The following YAP1 variants were observed in gnomAD, a reference collection of about 807,000 sequenced individuals.
The protein encoded by YAP1 is Yes1 associated transcriptional regulator.
In YAP1, 5 loss-of-function variants were observed where a neutral mutation model predicts 56.9. That is an observed-to-expected ratio of 0.09 (90% confidence interval 0.05 to 0.18). YAP1 has a LOEUF of 0.18. Ranked by LOEUF, YAP1 falls within the 10% of genes least tolerant of loss-of-function variation. YAP1 has a pLI of 1.00. For missense variants in YAP1, 539 were observed against 651.8 expected, an observed-to-expected ratio of 0.83 and a Z score of 1.88; for synonymous variants, 265 against 248.1, an observed-to-expected ratio of 1.07 and a Z score of -0.64.
intron 3 of YAP1, among the ~76,000 whole-genome samples, chr11:102,173,452 C>A (rs1947039896): frequency 6.6e-6 from 1 of 152,124 alleles, no homozygotes; most frequent in East Asian, 1.9e-4. Flanking sequence ...ATATTTAAAG[C>A]TACTTCCTTA....
At position 102,111,790 on chromosome 11, in the gene YAP1, C is replaced by T. The variant is rs182839412; in HGVS notation, c.321+621C>T. Among the ~76,000 whole-genome samples the T allele has an allele frequency of 9.2e-5, 14 of 152,120 alleles. No individual in the cohort carries two copies. In the East Asian group the frequency reaches 2.5e-3, roughly 27 times the overall value. On this transcript the variant is annotated intron_variant, in intron 1 of 8. Transcript: ENST00000282441. The stretch of plus-strand genomic sequence containing the variant: ...ATTAGAGGTGGGGGTAGAACCGGTC[C>T]ATTTAGTTTTTTGCTCTTTCTTTCC...
chr11:102,163,728 G>A (rs1946431987), intron 3 of YAP1, among the ~76,000 whole-genome samples: 1 of 152,196 alleles, frequency 6.6e-6, no homozygotes, highest in African/African-American at 2.4e-5. Context: ...TGGGTGGGAA[G>A]GGTGGTACCA....
intron 3 of YAP1, among the ~76,000 whole-genome samples, chr11:102,177,715 G>C (rs978171750): frequency 6.6e-6 from 1 of 151,578 alleles, no homozygotes; most frequent in African/African-American, 2.4e-5. Flanking sequence ...AAAGTTTTGA[G>C]GGACAAATGG....
In YAP1 at chr11:102,230,714, G is replaced by T. The variant is rs1950409229; in HGVS notation, c.*774G>T. On this transcript the variant is annotated 3_prime_UTR_variant, in exon 9 of 9. Transcript: ENST00000282441. ...GGTGGGGGGGTTGGTTGGTTGGTTG[G>T]TTTTGTCGGAACCTAGGCAAATGAC... 6.6e-6 allele frequency: 1 copy of T among 152,358 alleles called. No individual in the cohort carries two copies. The highest frequency in any genetic ancestry group is 2.4e-5 in the African/African-American group (1 of 41,340). 9.4% of individuals were successfully genotyped at this position (152,358 alleles called of 1,614,324 possible). A position where few individuals can be genotyped will look rare whatever the true frequency, so the allele number is the denominator to read the frequency against.
At chr11:102,216,482 A>C (rs1212515204) in intron 6 of YAP1, among the ~76,000 whole-genome samples, 1 of 152,236 alleles carries the variant, frequency 6.6e-6, no homozygotes, top group South Asian at 2.1e-4. Context: ...AAAAAATGCC[A>C]ATTATATTTC....
At chr11:102,213,238 A>G (rs987991543) in intron 6 of YAP1, among the ~76,000 whole-genome samples, 6 of 152,180 alleles carry the variant, frequency 3.9e-5, no homozygotes, top group Non-Finnish European at 4.4e-5. Flanking sequence ...TAATCCCAGC[A>G]CTTTGGGAGG....
At chr11:102,177,695 A>G (rs1947344180) in intron 3 of YAP1, among the ~76,000 whole-genome samples, 1 of 151,084 alleles carries the variant, frequency 6.6e-6, no homozygotes, top group Non-Finnish European at 1.5e-5. Context: ...AAAAAAAAAA[A>G]GTTTATGTGA....
rs544228627 is a variant in YAP1, at chr11:102,148,683, C to T, written c.573-13773C>T. On this transcript the variant is annotated intron_variant, in intron 2 of 8. Transcript: ENST00000282441. ...TTCTCTTACTGTTCTCTGGACAAGA[C>T]ATCAGTATCTGAAATGCCTTTCCTC... Among the ~76,000 whole-genome samples, 13 of 152,284 alleles carry T rather than the reference C, an allele frequency of 8.5e-5. No homozygotes were observed. In the East Asian group the frequency reaches 2.3e-3, roughly 27 times the overall value.
intron 6 of YAP1, among the ~76,000 whole-genome samples, chr11:102,217,964 G>A (rs1949741550): frequency 6.6e-6 from 1 of 152,152 alleles, no homozygotes; most frequent in East Asian, 1.9e-4. Flanking sequence ...CCCTCCCAAA[G>A]TGCTGGGATT....
chr11:102,180,085 C>T (rs1947498605), intron 3 of YAP1, among the ~76,000 whole-genome samples: 1 of 147,134 alleles, frequency 6.8e-6, no homozygotes, highest in African/African-American at 2.5e-5. Flanking sequence ...TCTTGGCTCA[C>T]TGCAACCTCC....
chr11:102,169,927 A>G (rs1456344850), intron 3 of YAP1, among the ~76,000 whole-genome samples: 2 of 152,248 alleles, frequency 1.3e-5, no homozygotes, highest in Non-Finnish European at 2.9e-5. Context: ...ATGGAATATG[A>G]TGACTTAAAT....
intron 3 of YAP1, among the ~76,000 whole-genome samples, chr11:102,185,792 A>G (rs564290984): frequency 6.6e-6 from 1 of 152,018 alleles, no homozygotes; most frequent in African/African-American, 2.4e-5. Context: ...TTTTTTCTTC[A>G]TCTCTGTGTT....
At chr11:102,185,642 G>T (rs59109860) in intron 3 of YAP1, among the ~76,000 whole-genome samples, 3,715 of 152,134 alleles carry the variant, frequency 0.024, 160 homozygotes, top group African/African-American at 0.086. Flanking sequence ...ATGAACCTTG[G>T]TGTTCCTAGG....
intron 3 of YAP1, among the ~76,000 whole-genome samples, chr11:102,184,650 C>T (rs1317133235): frequency 6.6e-6 from 1 of 152,168 alleles, no homozygotes; most frequent in Non-Finnish European, 1.5e-5. Flanking sequence ...ACTTTGGGTC[C>T]CATGGGCCTT....
chr11:102,223,773 G>C (rs542553226), intron 7 of YAP1, 21 bp downstream of exon 7: 1 of 1,613,022 alleles, frequency 6.2e-7, no homozygotes, highest in South Asian at 1.1e-5. Context: ...GTTGCTACTG[G>C]TGAATATCTG....
intron 7 of YAP1, chr11:102,226,849 G>A (rs1398500479): frequency 2.6e-5 from 4 of 152,184 alleles, no homozygotes; most frequent in African/African-American, 9.7e-5. Context: ...CAGAAGCAAG[G>A]AGATCAAGCC....
chr11:102,135,261 A>T (rs920980039), intron 2 of YAP1, among the ~76,000 whole-genome samples: 114 of 152,298 alleles, frequency 7.5e-4, no homozygotes, highest in African/African-American at 2.6e-3. Flanking sequence ...TCAGTTACCT[A>T]CTACTGCATA....
intron 5 of YAP1, among the ~76,000 whole-genome samples, chr11:102,208,761 A>C (rs1400073815): frequency 6.6e-6 from 1 of 152,206 alleles, no homozygotes; most frequent in African/African-American, 2.4e-5. Context: ...AACTGTCAAA[A>C]TCAAGAAACT....
intron 2 of YAP1, among the ~76,000 whole-genome samples, chr11:102,158,295 G>C (rs1434024978): frequency 6.6e-6 from 1 of 152,180 alleles, no homozygotes; most frequent in East Asian, 1.9e-4. Context: ...TTTACAAATT[G>C]AGAGTTTCAG....
Sources: gnomAD v4.1 joint callset for allele counts (sites outside exome capture counted in the v4.1 genomes callset) on GRCh38, gnomAD v4.1.1 for gene constraint, MANE v1.5 for transcripts, NCBI Gene and HGNC (gene_info 2026-07-23, HGNC 2026-07-21) for gene names.